The following SUPT3H variants were observed in gnomAD, a reference collection of about 807,000 sequenced individuals.
SUPT3H encodes the protein transcription initiation protein SPT3 homolog.
A neutral mutation model predicts 44.3 loss-of-function variants in SUPT3H; 44 were observed. The observed-to-expected ratio is 0.99, with a 90% CI of 0.78 to 1.28. SUPT3H has a LOEUF of 1.28. Ranked by LOEUF, SUPT3H falls within the 50% of genes most tolerant of loss-of-function variation. The pLI, the probability that SUPT3H is intolerant of heterozygous loss-of-function variation, is 0.00. For missense variants in SUPT3H, 380 were observed against 387.1 expected, an observed-to-expected ratio of 0.98 and a Z score of 0.15; for synonymous variants, 124 against 125.6, an observed-to-expected ratio of 0.99 and a Z score of 0.09.
intron 2 of SUPT3H, among the ~76,000 whole-genome samples, chr6:45,332,277 G>A (rs1787669083): frequency 6.6e-6 from 1 of 151,324 alleles, no homozygotes; most frequent in Non-Finnish European, 1.5e-5. Context: ...CATGAAAACT[G>A]TGGTAATATT....
At chr6:44,836,514 G>C (rs1002614134) in intron 10 of SUPT3H, among the ~76,000 whole-genome samples, 11 of 152,086 alleles carry the variant, frequency 7.2e-5, no homozygotes, top group Non-Finnish European at 1.6e-4. Flanking sequence ...CATAAATCTT[G>C]AGGAACTTGT....
At chr6:44,901,787 C>T (rs1178516562) in intron 10 of SUPT3H, among the ~76,000 whole-genome samples, 8 of 152,118 alleles carry the variant, frequency 5.3e-5, no homozygotes, top group African/African-American at 1.9e-4. Flanking sequence ...GGTCGGGTTA[C>T]CCACAAAGGG....
At chr6:45,255,647 T>C (rs932718802) in intron 2 of SUPT3H, among the ~76,000 whole-genome samples, 2 of 152,016 alleles carry the variant, frequency 1.3e-5, no homozygotes, top group African/African-American at 4.8e-5. Flanking sequence ...AGTCTTGAAC[T>C]CCTGGCCTCA....
At chr6:44,936,289 T>C (rs953250959) in intron 9 of SUPT3H, among the ~76,000 whole-genome samples, 1 of 152,226 alleles carries the variant, frequency 6.6e-6, no homozygotes, top group Non-Finnish European at 1.5e-5. Flanking sequence ...ATTTAAAAGT[T>C]TGAGATGGTA....
At chr6:44,920,479 T>C (rs988050247) in intron 10 of SUPT3H, among the ~76,000 whole-genome samples, 1 of 151,448 alleles carries the variant, frequency 6.6e-6, no homozygotes, top group Non-Finnish European at 1.5e-5. Flanking sequence ...CGAGGATCAC[T>C]TGAGCCTGGG....
intron 2 of SUPT3H, among the ~76,000 whole-genome samples, chr6:45,217,443 C>A (rs1327671373): frequency 6.6e-6 from 1 of 150,918 alleles, no homozygotes; most frequent in East Asian, 1.9e-4. Context: ...CAACTGCACT[C>A]CAGCCTGGGC....
chr6:45,219,606 C>T (rs1469592864), intron 2 of SUPT3H, among the ~76,000 whole-genome samples: 1 of 152,154 alleles, frequency 6.6e-6, no homozygotes, highest in Non-Finnish European at 1.5e-5. Flanking sequence ...TATGAACTGT[C>T]CTATAACAAT....
At position 44,885,487 on chromosome 6, in the gene SUPT3H, C is replaced by G. The variant is rs1445286989; in HGVS notation, c.912+47166G>C. ...ATCCGCTGTTCTGCAGCCACCGCTG[C>G]TGTTACCCAGGCAAACAGTGACTGG... On this transcript the variant is annotated intron_variant, in intron 10 of 10. Transcript: ENST00000371459. 3.3e-5 allele frequency among the ~76,000 whole-genome samples: 5 copies of G among 152,216 alleles called. No homozygotes were observed. The East Asian group carries it at 9.6e-4, about 29-fold the overall frequency.
At chr6:45,109,812 T>A (rs147302232) in intron 2 of SUPT3H, among the ~76,000 whole-genome samples, 1 of 152,208 alleles carries the variant, frequency 6.6e-6, no homozygotes, top group Non-Finnish European at 1.5e-5. Context: ...AGACAAGTAA[T>A]TGATACTTAT....
At chr6:44,870,890 T>C (rs1470489370) in intron 10 of SUPT3H, among the ~76,000 whole-genome samples, 4 of 151,692 alleles carry the variant, frequency 2.6e-5, no homozygotes, top group Admixed American at 6.6e-5. Context: ...GGGTGACGGA[T>C]GCACCTGGAA....
intron 3 of SUPT3H, among the ~76,000 whole-genome samples, chr6:45,047,917 C>T (rs1789655982): frequency 6.9e-6 from 1 of 145,574 alleles, no homozygotes; most frequent in Admixed American, 6.8e-5. Flanking sequence ...TATATACAGT[C>T]TTTGCCCATT....
intron 2 of SUPT3H, among the ~76,000 whole-genome samples, chr6:45,303,764 G>A (rs574226599): frequency 6.6e-6 from 1 of 151,970 alleles, no homozygotes; most frequent in South Asian, 2.1e-4. Flanking sequence ...GGAGGCCAAG[G>A]TGGGCGGATC....
chr6:44,825,809 T>G (rs1023990627), downstream of SUPT3H, among the ~76,000 whole-genome samples: 1 of 152,162 alleles, frequency 6.6e-6, no homozygotes, highest in Non-Finnish European at 1.5e-5. Flanking sequence ...TATCTATCTA[T>G]CTTTACCCTC....
At chr6:45,307,454 G>A (rs1460861490) in intron 2 of SUPT3H, among the ~76,000 whole-genome samples, 3 of 152,224 alleles carry the variant, frequency 2.0e-5, no homozygotes, top group African/African-American at 7.2e-5. Flanking sequence ...AACATTTGCT[G>A]TTCAGCAATA....
intron 3 of SUPT3H, among the ~76,000 whole-genome samples, chr6:45,068,725 C>T (rs1157548275): frequency 6.9e-6 from 1 of 144,862 alleles, no homozygotes; most frequent in African/African-American, 2.6e-5. Context: ...GATCATGTAG[C>T]TAGTGTGCTT....
Position 45,107,536 on chromosome 6 carries a change from G to T in SUPT3H, c.102-1530C>A, listed in dbSNP as rs1190443056. 2.0e-5 allele frequency among the ~76,000 whole-genome samples: 3 copies of T among 152,086 alleles called. No homozygotes were observed. The South Asian group carries it at 6.2e-4, about 32-fold the overall frequency. ...AGGAAAAAAATCTTCCCTAAGAATT[G>T]TTAACTATAAATTCACTTCCATGGT... On this transcript the variant is annotated intron_variant, in intron 2 of 10. Coordinates refer to ENST00000371459, the MANE Select transcript of SUPT3H (RefSeq NM_003599.4).
chr6:44,810,984 C>A (rs1766479771), intron 11 of SUPT3H, among the ~76,000 whole-genome samples: 1 of 152,136 alleles, frequency 6.6e-6, no homozygotes. Flanking sequence ...CCCATATACC[C>A]AACACCTACT....
intron 10 of SUPT3H, among the ~76,000 whole-genome samples, chr6:44,898,088 T>C (rs1233269412): frequency 6.6e-6 from 1 of 152,214 alleles, no homozygotes; most frequent in East Asian, 1.9e-4. Context: ...GAATTTGCAT[T>C]GGGACTAAGA....
chr6:45,283,308 A>C (rs571262746), intron 2 of SUPT3H, among the ~76,000 whole-genome samples: 2 of 152,344 alleles, frequency 1.3e-5, no homozygotes, highest in African/African-American at 4.8e-5. Context: ...ATAAAAAGTC[A>C]AGACCCATCA....
Sources: allele counts gnomAD v4.1 joint callset (sites outside exome capture counted in the v4.1 genomes callset), GRCh38; gene constraint gnomAD v4.1.1; transcripts MANE v1.5; gene names NCBI Gene and HGNC (gene_info 2026-07-23, HGNC 2026-07-21).